Variants in CCDC47 observed in about 807,000 individuals in gnomAD.
CCDC47 encodes the protein PAT complex subunit CCDC47.
A neutral mutation model predicts 60.5 loss-of-function variants in CCDC47; 41 were observed. The ratio of observed to expected loss-of-function variants is 0.68; its 90% CI spans 0.53 to 0.88. CCDC47 has a LOEUF of 0.88. Among genes scored for constraint, CCDC47 ranks in the 40% least tolerant of loss-of-function variants. CCDC47 has a pLI of 0.00. For synonymous variants in CCDC47, 195 were observed against 190.7 expected, an observed-to-expected ratio of 1.02 and a Z score of -0.18; for missense variants, 513 against 580.9, an observed-to-expected ratio of 0.88 and a Z score of 1.20.
chr17:63,747,166 A>G, intron 12 of CCDC47: 1 of 982,538 alleles, frequency 1.0e-6, no homozygotes, highest in Non-Finnish European at 1.2e-6. Flanking sequence ...AATTAAATCA[A>G]CTTCAAATGA....
At chr17:63,764,613 G>C in intron 3 of CCDC47, 127 bp downstream of exon 3, 1 of 715,988 alleles carries the variant, frequency 1.4e-6, no homozygotes, top group East Asian at 3.1e-5. Flanking sequence ...CAGAAAAATT[G>C]ATGTCAAGCT....
rs2144472501 is a variant in CCDC47, at chr17:63,752,089, T to C, written c.1222A>G (p.Lys408Glu). ...TTCTCTTCTACTCGGGCACGGTTCT[T>C]ATCTGCTTTTTGTTTGCCCTTCCCC... The part of the protein sequence containing the change: ...LNREGKQKAD[K>E]NRARVEENFL... The change falls in exon 12 of 13, where the codon AAG (lysine) becomes GAG (glutamate). Residue 408 changes from lysine to glutamate, a missense_variant. Lys to Glu is a moderately conservative substitution (Grantham distance 56, BLOSUM62 1). Coordinates refer to ENST00000225726, the MANE Select transcript of CCDC47 (RefSeq NM_020198.3). The C allele has an allele frequency of 1.2e-6, 2 of 1,613,746 alleles. No individual in the cohort carries two copies. Among genetic ancestry groups the C allele is most frequent in the Non-Finnish European group, 1.7e-6 (2 of 1,179,948 alleles).
At chr17:63,771,923 A>C (rs1288325281) in intron 1 of CCDC47, among the ~76,000 whole-genome samples, 1 of 152,004 alleles carries the variant, frequency 6.6e-6, no homozygotes, top group African/African-American at 2.4e-5. Flanking sequence ...CTCTACTAAA[A>C]ATACAAAAAT....
At chr17:63,758,651 A>G (rs893877407) in intron 6 of CCDC47, among the ~76,000 whole-genome samples, 25 of 152,192 alleles carry the variant, frequency 1.6e-4, no homozygotes, top group Admixed American at 1.4e-3. Flanking sequence ...GTAAACAGTT[A>G]CTAGTACTCT....
intron 6 of CCDC47, among the ~76,000 whole-genome samples, chr17:63,759,490 C>CCAAAAAAAAAAAAAAAAAAAAAAAAA: frequency 1.9e-4 from 1 of 5,374 alleles, no homozygotes; most frequent in South Asian, 8.6e-3. Flanking sequence ...TTCTGTCTCC[C>CCAAAAAAAAAAAAAAAAAAAAAAAAA]AAAAAAAAAA....
Position 63,760,982 on chromosome 17 carries a change from GA to G in CCDC47, c.670-4del. 2 of 1,611,804 alleles carry G rather than the reference GA, an allele frequency of 1.2e-6. No homozygotes were observed. The highest frequency in any genetic ancestry group is 8.5e-7 in the Non-Finnish European group (1 of 1,178,520). Reference sequence around the variant, plus strand: ...AGTAAGTCTTGTCTCTTGAGGAACTGAAAAAAATGAGAGAAGTAAGTAAATC... The same window carrying G: ...AGTAAGTCTTGTCTCTTGAGGAACTGAAAAAATGAGAGAAGTAAGTAAATC... On this transcript the variant is annotated splice_region_variant and splice_polypyrimidine_tract_variant and intron_variant, in intron 5 of 12. Coordinates refer to ENST00000225726, the MANE Select transcript of CCDC47 (RefSeq NM_020198.3).
intron 1 of CCDC47, among the ~76,000 whole-genome samples, chr17:63,771,073 CTTAGAA>C (rs2039337912): frequency 7.9e-6 from 1 of 126,894 alleles, no homozygotes; most frequent in Non-Finnish European, 1.7e-5. Flanking sequence ...ATTAAATGTT[CTTAGAA>C]TTAAAGTTCA....
At chr17:63,771,486 T>C (rs376455221) in intron 1 of CCDC47, among the ~76,000 whole-genome samples, 1 of 152,104 alleles carries the variant, frequency 6.6e-6, no homozygotes, top group African/African-American at 2.4e-5. Context: ...CAAGGGACAA[T>C]CTATGGGAAA....
chr17:63,764,919 C>T, intron 2 of CCDC47, 72 bp from the exon 3 acceptor site: 2 of 1,550,554 alleles, frequency 1.3e-6, no homozygotes, highest in South Asian at 1.2e-5. Context: ...TTGTTGGCAA[C>T]ATTTGTTGGG....
rs566737097 is a variant in CCDC47 at position 63,772,481 on chromosome 17, C to T, written c.-20+931G>A. ...TGTTAGCCAGGATGGTCTCGATCTC[C>T]TGACCTCGTGATCCACCCGTCTCGG... On this transcript the variant is annotated intron_variant, in intron 1 of 12. Transcript: ENST00000225726. 2.6e-4 allele frequency among the ~76,000 whole-genome samples: 40 copies of T among 152,188 alleles called. 1 individual carries two copies. The East Asian group carries it at 7.7e-3, about 29-fold the overall frequency.
intron 1 of CCDC47, among the ~76,000 whole-genome samples, 156 bp downstream of exon 1, chr17:63,773,256 G>A (rs1021114150): frequency 6.6e-6 from 1 of 152,144 alleles, no homozygotes; most frequent in African/African-American, 2.4e-5. Context: ...CTCTAACTCT[G>A]CCCTTTTGGC....
In CCDC47 at chr17:63,752,384, A is replaced by C. The variant is rs2039173910; in HGVS notation, c.1139T>G (p.Leu380Arg). 1 of 1,613,930 alleles carries C rather than the reference A, an allele frequency of 6.2e-7. No homozygotes were observed. The highest frequency in any genetic ancestry group is 8.5e-7 in the Non-Finnish European group (1 of 1,179,956). ...ATAAATCACCATGTTCATCAGGGGT[A>C]GCAGTGCCTCCATATCCTTTGGGTA... Reference protein sequence around the residue: ...NTYPKDMEALLPLMNMVIYSI... With the variant: ...NTYPKDMEALRPLMNMVIYSI... Residue 380 changes from leucine to arginine, a missense_variant, in exon 11 of 13, where the codon CTA becomes CGA. By Grantham distance (102) the Leu-to-Arg change is moderately radical. Transcript: ENST00000225726.
chr17:63,756,207 G>A (rs772169168), intron 8 of CCDC47, 33 bp downstream of exon 8: 9 of 1,439,560 alleles, frequency 6.3e-6, no homozygotes, highest in African/African-American at 1.4e-5. Context: ...AAATGCCAAG[G>A]CCTGGCAAAT....
At chr17:63,762,689 T>C (rs2039269635) in intron 4 of CCDC47, among the ~76,000 whole-genome samples, 1 of 152,192 alleles carries the variant, frequency 6.6e-6, no homozygotes, top group Admixed American at 6.6e-5. Context: ...CAATGTATAT[T>C]TCAGCAGTGG....
chr17:63,754,894 A>G (rs1300506018), intron 8 of CCDC47, among the ~76,000 whole-genome samples: 3 of 151,748 alleles, frequency 2.0e-5, no homozygotes, highest in Admixed American at 6.6e-5. Flanking sequence ...AAAAAAAGAA[A>G]AAAAAAAAAA....
chr17:63,746,879 CTTTACATGGCT>C lies in CCDC47; in HGVS notation c.1443_*1del. 1 of 1,611,992 alleles carries C rather than the reference CTTTACATGGCT, an allele frequency of 6.2e-7. No individual in the cohort carries two copies. The highest frequency in any genetic ancestry group is 2.2e-5 in the East Asian group (1 of 44,840). On this transcript the variant is annotated stop_lost and 3_prime_UTR_variant, in exon 13 of 13. Coordinates refer to ENST00000225726, the MANE Select transcript of CCDC47 (RefSeq NM_020198.3). ...ATCAGAACTCAAATCTCTGGGATGG[CTTTACATGGCT>C]TTCACTTTGATTTGTTTCATTTTCA...
chr17:63,761,651 C>T (rs991841906), intron 4 of CCDC47: 2 of 230,884 alleles, frequency 8.7e-6, no homozygotes, highest in Non-Finnish European at 1.5e-5. Context: ...GAGCTGAAAT[C>T]GCACCATTGT....
chr17:63,765,412 CT>C (rs1320545487), intron 2 of CCDC47, among the ~76,000 whole-genome samples: 1 of 152,010 alleles, frequency 6.6e-6, no homozygotes, highest in African/African-American at 2.4e-5. Context: ...TCAATCTCAG[CT>C]CACTGCAACC....
chr17:63,772,481 C>A (rs566737097), intron 1 of CCDC47, among the ~76,000 whole-genome samples: 2 of 152,070 alleles, frequency 1.3e-5, no homozygotes, highest in Non-Finnish European at 2.9e-5. Context: ...TCTCGATCTC[C>A]TGACCTCGTG....
Sources: gnomAD v4.1 joint callset for allele counts (sites outside exome capture counted in the v4.1 genomes callset) on GRCh38, gnomAD v4.1.1 for gene constraint, MANE v1.5 for transcripts, NCBI Gene and HGNC (gene_info 2026-07-23, HGNC 2026-07-21) for gene names.